TNRC6A: variants seen among roughly 807,000 people sequenced by gnomAD.
The protein encoded by TNRC6A is trinucleotide repeat-containing gene 6A protein.
TNRC6A carries 44 observed loss-of-function variants against 221.2 expected under a neutral mutation model. The observed-to-expected ratio is 0.20, with a 90% CI of 0.16 to 0.26. The LOEUF (loss-of-function observed/expected upper bound fraction) is 0.26, where lower values mean the gene tolerates loss of function less well. Among genes scored for constraint, TNRC6A ranks in the 10% least tolerant of loss-of-function variants. The pLI is 1.00. For missense variants in TNRC6A, 2,199 were observed against 2,404.4 expected (o/e 0.91, Z 1.79); for synonymous variants, 847 against 838.5 (o/e 1.01, Z -0.18).
chr16:24,656,151 A>AT (rs2054906486), intron 2 of TNRC6A, among the ~76,000 whole-genome samples: 1 of 150,670 alleles, frequency 6.6e-6, no homozygotes, highest in Non-Finnish European at 1.5e-5. Flanking sequence ...CAAAAAAAAA[A>AT]AAAAAGAAAA....
At chr16:24,707,285 C>G (rs935652602) in intron 2 of TNRC6A, among the ~76,000 whole-genome samples, 1 of 151,780 alleles carries the variant, frequency 6.6e-6, no homozygotes, top group Non-Finnish European at 1.5e-5. Flanking sequence ...CATGTGCCAC[C>G]GCATCCAGCC....
intron 18 of TNRC6A, 176 bp downstream of exon 18, chr16:24,809,657 A>C: frequency 1.4e-6 from 1 of 699,694 alleles, no homozygotes; most frequent in Non-Finnish European, 2.0e-6. Context: ...CTTTCAGATG[A>C]AAAGCAGAAT....
intron 2 of TNRC6A, among the ~76,000 whole-genome samples, chr16:24,685,556 C>T (rs577376703): frequency 1.3e-5 from 2 of 152,300 alleles, no homozygotes; most frequent in South Asian, 4.1e-4. Flanking sequence ...CCAAGCTGGT[C>T]TCAAACTCCT....
intron 2 of TNRC6A, among the ~76,000 whole-genome samples, chr16:24,695,267 G>T (rs977608534): frequency 6.6e-6 from 1 of 152,148 alleles, no homozygotes; most frequent in Non-Finnish European, 1.5e-5. Context: ...GATACTGATT[G>T]AAGGCTGTGC....
At chr16:24,647,991 G>A (rs574081062) in intron 2 of TNRC6A, among the ~76,000 whole-genome samples, 1 of 152,140 alleles carries the variant, frequency 6.6e-6, no homozygotes, top group African/African-American at 2.4e-5. Context: ...CTTTTGTTGG[G>A]CTTATTTCAC....
intron 2 of TNRC6A, among the ~76,000 whole-genome samples, chr16:24,719,820 AAC>A (rs2056378758): frequency 6.6e-6 from 1 of 151,434 alleles, no homozygotes; most frequent in Non-Finnish European, 1.5e-5. Context: ...AAGCTCAGGC[AAC>A]AGAGTGAGAC....
At chr16:24,808,502 C>CTGAGAGA (rs1420784597) in intron 17 of TNRC6A, among the ~76,000 whole-genome samples, 1 of 152,186 alleles carries the variant, frequency 6.6e-6, no homozygotes, top group Non-Finnish European at 1.5e-5. Flanking sequence ...GACCATGTGG[C>CTGAGAGA]CCACAGAGCC....
Position 24,793,607 on chromosome 16 carries a change from T to C in TNRC6A, c.3310T>C (p.Trp1104Arg). Residue 1104 changes from tryptophan to arginine, a missense_variant, in exon 7 of 25, where the codon TGG becomes CGG. Trp to Arg is a moderately radical substitution (Grantham distance 101). Around this residue, in one of 8 missense-constraint regions of TNRC6A, gnomAD observed 1,405 missense variants for 1,400.2 expected, o/e 1.00. Coordinates refer to ENST00000395799, the MANE Select transcript of TNRC6A (RefSeq NM_014494.4). ...PIAAASSTSTWGSSSVGPQAL... is the reference protein window; with the variant it reads ...PIAAASSTSTRGSSSVGPQAL... ...TGCTGCGGCATCCAGCACATCCACG[T>C]GGGGCTCCAGCTCTGTTGGTCCACA... 1 of 1,555,290 alleles carries C rather than the reference T, an allele frequency of 6.4e-7. No homozygotes were observed.
chr16:24,664,341 C>G (rs892737925), intron 2 of TNRC6A, among the ~76,000 whole-genome samples: 3 of 146,728 alleles, frequency 2.0e-5, no homozygotes, highest in African/African-American at 7.6e-5. Flanking sequence ...TAATAAAATT[C>G]CAAATAATAA....
chr16:24,629,974 A>G (rs943150669), intron 1 of TNRC6A, among the ~76,000 whole-genome samples: 1 of 144,684 alleles, frequency 6.9e-6, no homozygotes, highest in African/African-American at 2.5e-5. Flanking sequence ...CCCTGTCTCA[A>G]AAAAAAAAAT....
At chr16:24,683,235 A>G (rs979078938) in intron 2 of TNRC6A, among the ~76,000 whole-genome samples, 1 of 152,076 alleles carries the variant, frequency 6.6e-6, no homozygotes, top group Non-Finnish European at 1.5e-5. Flanking sequence ...TTCTCACTCT[A>G]TCACTCACTG....
chr16:24,748,093 A>G (rs1308995476), intron 2 of TNRC6A, among the ~76,000 whole-genome samples: 1 of 152,184 alleles, frequency 6.6e-6, no homozygotes, highest in Non-Finnish European at 1.5e-5. Context: ...AGTTGGATTC[A>G]TGGCTAGGCA....
chr16:24,821,154 A>G (rs1408562950), intron 22 of TNRC6A, among the ~76,000 whole-genome samples: 1 of 152,262 alleles, frequency 6.6e-6, no homozygotes, highest in Non-Finnish European at 1.5e-5. Context: ...GTACGTGCCA[A>G]GCTGCTGAAT....
Position 24,821,764 on chromosome 16 carries a change from G to A in TNRC6A, c.5303-313G>A, listed in dbSNP as rs552087965. On this transcript the variant is annotated intron_variant, in intron 22 of 24. Transcript: ENST00000395799. ...ACTGAAGTCTTCCCCAGATGGTACC[G>A]TTTGAGATTATTTTAGCTCCTATCA... is the stretch of plus-strand genomic sequence containing the variant. The A allele has an allele frequency of 3.3e-4, 123 of 370,760 alleles. 1 individual carries two copies. The highest frequency in any genetic ancestry group is 3.0e-3 in the South Asian group (74 of 24,662). 23.0% of individuals were successfully genotyped at this position (370,760 alleles called of 1,614,324 possible).
At position 24,640,785 on chromosome 16, in the gene TNRC6A, G is replaced by T. The variant is rs367888974; in HGVS notation, n.277-99G>T. 7.9e-5 allele frequency: 12 copies of T among 152,240 alleles called. 1 individual carries two copies. Among genetic ancestry groups the T allele is most frequent in the Admixed American group, 3.9e-4 (6 of 15,272 alleles). The allele number at this position is 152,240 out of a possible 1,614,324, so 9.4% of individuals were successfully genotyped here. A position where few individuals can be genotyped will look rare whatever the true frequency, so the allele number is the denominator to read the frequency against. On this transcript the variant is annotated intron_variant and non_coding_transcript_variant, in intron 1 of 2. Transcript: ENST00000566108. ...GTGCCCAGGAGTTGCACATGGGTTT[G>T]TGTCTCATAGGCAAATAGGCATCAC... is the stretch of plus-strand genomic sequence containing the variant.
At chr16:24,645,519 A>C (rs1468424891) in intron 2 of TNRC6A, among the ~76,000 whole-genome samples, 1 of 151,132 alleles carries the variant, frequency 6.6e-6, no homozygotes, top group Non-Finnish European at 1.5e-5. Flanking sequence ...AAAAACAAAA[A>C]CCTACTTCTG....
At chr16:24,770,178 A>G (rs1185202211) in intron 4 of TNRC6A, among the ~76,000 whole-genome samples, 5 of 152,230 alleles carry the variant, frequency 3.3e-5, no homozygotes, top group African/African-American at 1.2e-4. Context: ...AAATAGCGTG[A>G]AAGAACGTGA....
rs573877539 is a variant in TNRC6A, at chr16:24,811,997, T to C, written c.4672+2516T>C. On this transcript the variant is annotated intron_variant, in intron 18 of 24. Transcript: ENST00000395799. ...CCTTTGATTCTAAGTTCGTTTGCCG[T>C]TCAGGGGAATGTCACTTTGGGATTT... is the stretch of plus-strand genomic sequence containing the variant. 3.4e-5 allele frequency among the ~76,000 whole-genome samples: 5 copies of C among 147,310 alleles called. No individual in the cohort carries two copies. In the South Asian group the frequency reaches 1.1e-3, roughly 32 times the overall value.
rs574906042 is a variant in TNRC6A, at chr16:24,616,509, C to G, written n.276+6025C>G. Among the ~76,000 whole-genome samples, 7 of 152,174 alleles carry G rather than the reference C, an allele frequency of 4.6e-5. No individual in the cohort carries two copies. The South Asian group carries it at 1.5e-3, about 32-fold the overall frequency. ...CAGAAGCCACGCAAAATATGAGATT[C>G]TGTTATTTCTATCTTGACAACAGTC... On this transcript the variant is annotated intron_variant and non_coding_transcript_variant, in intron 1 of 2. Transcript: ENST00000566108.
Sources: allele counts gnomAD v4.1 joint callset (sites outside exome capture counted in the v4.1 genomes callset), GRCh38; gene constraint gnomAD v4.1.1; regional missense constraint gnomAD v4.1.1; transcripts MANE v1.5; gene names NCBI Gene and HGNC (gene_info 2026-07-23, HGNC 2026-07-21).